PTAR1: variants seen among roughly 807,000 people sequenced by gnomAD.
PTAR1 encodes protein prenyltransferase alpha subunit repeat-containing protein 1.
Under a neutral mutation model 45.5 loss-of-function variants are expected in PTAR1, and 17 were observed. The observed-to-expected ratio is 0.37, with a 90% CI of 0.26 to 0.56. The LOEUF is 0.56. PTAR1 is among the 20% of genes least tolerant of loss of function. The pLI is 0.77. For missense variants in PTAR1, 391 were observed against 476.3 expected (o/e 0.82, Z 1.67); for synonymous variants, 169 against 171.3 (o/e 0.99, Z 0.11).
In PTAR1 at chr9:69,718,114, T is replaced by A. The variant is rs1019933112; in HGVS notation, c.*228A>T. The A allele has an allele frequency of 2.4e-6, 1 of 419,310 alleles. No individual in the cohort carries two copies. Among genetic ancestry groups the A allele is most frequent in the African/African-American group, 2.0e-5 (1 of 50,132 alleles). 26.0% of individuals were successfully genotyped at this position (419,310 alleles called of 1,614,324 possible). A position where few individuals can be genotyped will look rare whatever the true frequency, so the allele number is the denominator to read the frequency against. ...AAGGGTGAGAAGTTAAACAGAAAAT[T>A]TAAGACTCGCTGTTCAGCAGGAAGG... On this transcript the variant is annotated 3_prime_UTR_variant, in exon 8 of 8. Coordinates refer to ENST00000340434, the MANE Select transcript of PTAR1 (RefSeq NM_001099666.2).
At chr9:69,746,582 CCA>C (rs1399778193) in intron 2 of PTAR1, among the ~76,000 whole-genome samples, 1 of 152,154 alleles carries the variant, frequency 6.6e-6, no homozygotes, top group Non-Finnish European at 1.5e-5. Flanking sequence ...ACTGAAATCT[CCA>C]CAGTCTCTTG....
chr9:69,717,191 C>T lies in PTAR1; in HGVS notation c.*1151G>A, dbSNP rs1824761502. 6.6e-6 allele frequency: 1 copy of T among 152,136 alleles called. No individual in the cohort carries two copies. Among genetic ancestry groups the T allele is most frequent in the Non-Finnish European group, 1.5e-5 (1 of 68,024 alleles). 9.4% of individuals were successfully genotyped at this position (152,136 alleles called of 1,614,324 possible). A position where few individuals can be genotyped will look rare whatever the true frequency, so the allele number is the denominator to read the frequency against. On this transcript the variant is annotated 3_prime_UTR_variant, in exon 8 of 8. Coordinates refer to ENST00000340434, the MANE Select transcript of PTAR1 (RefSeq NM_001099666.2). ...GCATTTGCCAGTAAACTTTAACAGTCACTTCATGATAATTTTATAGTTTCC... is the reference window on the plus strand; with the variant it reads ...GCATTTGCCAGTAAACTTTAACAGTTACTTCATGATAATTTTATAGTTTCC...
chr9:69,725,676 T>C (rs1825244214), intron 5 of PTAR1, among the ~76,000 whole-genome samples: 1 of 151,986 alleles, frequency 6.6e-6, no homozygotes, highest in Admixed American at 6.6e-5. Flanking sequence ...AAATCCACTA[T>C]ATTCTTTTCC....
At chr9:69,730,892 A>G (rs1403946709) in intron 5 of PTAR1, among the ~76,000 whole-genome samples, 5 of 152,146 alleles carry the variant, frequency 3.3e-5, no homozygotes, top group Admixed American at 1.3e-4. Context: ...TCTCTATTAG[A>G]TGCCCAGTAA....
chr9:69,739,245 A>T (rs1455368902), intron 3 of PTAR1, among the ~76,000 whole-genome samples: 1 of 152,218 alleles, frequency 6.6e-6, no homozygotes, highest in Non-Finnish European at 1.5e-5. Context: ...ATAGGCTATG[A>T]GTTCAGAACA....
intron 6 of PTAR1, among the ~76,000 whole-genome samples, chr9:69,721,063 A>G (rs1272110727): frequency 6.6e-6 from 1 of 152,228 alleles, no homozygotes; most frequent in Admixed American, 6.5e-5. Flanking sequence ...TCATAAGGTT[A>G]TAGCTGCCAC....
intron 3 of PTAR1, among the ~76,000 whole-genome samples, chr9:69,741,271 C>T (rs1826032289): frequency 6.6e-6 from 1 of 152,140 alleles, no homozygotes; most frequent in Non-Finnish European, 1.5e-5. Flanking sequence ...TCTAACATGT[C>T]CCAATCTGAA....
At chr9:69,739,005 A>G (rs1159161535) in intron 3 of PTAR1, among the ~76,000 whole-genome samples, 3 of 152,040 alleles carry the variant, frequency 2.0e-5, no homozygotes, top group Non-Finnish European at 2.9e-5. Flanking sequence ...ATGGGGTTTC[A>G]CCATATTGGC....
intron 4 of PTAR1, 105 bp downstream of exon 4, chr9:69,734,045 T>A: frequency 1.5e-6 from 1 of 688,742 alleles, no homozygotes; most frequent in Non-Finnish European, 2.5e-6. Flanking sequence ...ACTTCAGAAT[T>A]CATGCTCTGG....
At chr9:69,741,728 T>C (rs1826050935) in intron 3 of PTAR1, 64 bp downstream of exon 3, 1 of 1,050,776 alleles carries the variant, frequency 9.5e-7, no homozygotes, top group East Asian at 2.5e-5. Context: ...TAACAACTTA[T>C]GGGGCTTACA....
chr9:69,722,955 A>AG, intron 6 of PTAR1, among the ~76,000 whole-genome samples: 1 of 151,730 alleles, frequency 6.6e-6, no homozygotes, highest in African/African-American at 2.4e-5. Flanking sequence ...AAAAAAAAAA[A>AG]AAAGAGAGAT....
rs536745165 is a variant in PTAR1 at position 69,736,434 on chromosome 9, G to A, written c.324-2180C>T. On this transcript the variant is annotated intron_variant, in intron 3 of 7. Coordinates refer to ENST00000340434, the MANE Select transcript of PTAR1 (RefSeq NM_001099666.2). Reference sequence around the variant, plus strand: ...TAGCTGGGCATGGTGGCACGCACCTGTAGTCCCAGCTACTTGGGAGGCTGA... The same window carrying A: ...TAGCTGGGCATGGTGGCACGCACCTATAGTCCCAGCTACTTGGGAGGCTGA... Among the ~76,000 whole-genome samples the A allele has an allele frequency of 2.8e-3, 431 of 152,276 alleles. 3 individuals carry two copies. The highest frequency in any genetic ancestry group is 3.2e-3 in the Admixed American group (49 of 15,294).
rs1177722096 is a variant in PTAR1, at chr9:69,709,593, C to G, written c.*8749G>C. Reference sequence around the variant, plus strand: ...CAAAGGTAAGACAAATACTATTTTCCATATTCTACAGAAATACAATACTTT... The same window carrying G: ...CAAAGGTAAGACAAATACTATTTTCGATATTCTACAGAAATACAATACTTT... On this transcript the variant is annotated 3_prime_UTR_variant, in exon 8 of 8. Coordinates refer to ENST00000340434, the MANE Select transcript of PTAR1 (RefSeq NM_001099666.2). 3.3e-5 allele frequency: 5 copies of G among 152,082 alleles called. No homozygotes were observed. Among genetic ancestry groups the G allele is most frequent in the Non-Finnish European group, 1.5e-5 (1 of 67,990 alleles). The allele number at this position is 152,082 out of a possible 1,614,324, so 9.4% of individuals were successfully genotyped here.
intron 2 of PTAR1, among the ~76,000 whole-genome samples, chr9:69,744,353 C>G (rs1826175088): frequency 6.6e-6 from 1 of 151,542 alleles, no homozygotes. Flanking sequence ...CTTTCCTAAC[C>G]TACCTAGTTG....
intron 5 of PTAR1, chr9:69,731,933 T>G: frequency 1.7e-6 from 1 of 582,908 alleles, no homozygotes; most frequent in Non-Finnish European, 3.1e-6. Flanking sequence ...GCACTAGCCT[T>G]AAGACTGCCA....
intron 1 of PTAR1, chr9:69,758,327 T>G (rs1183859754): frequency 6.6e-6 from 1 of 152,338 alleles, no homozygotes; most frequent in Non-Finnish European, 1.5e-5. Context: ...CTGTAATTTC[T>G]TCTAGAAAAA....
chr9:69,732,502 G>C, intron 4 of PTAR1, 150 bp from the exon 5 acceptor site: 1 of 629,444 alleles, frequency 1.6e-6, no homozygotes, highest in South Asian at 2.0e-5. Flanking sequence ...GAGATGGGGA[G>C]GGGTTGTTTT....
chr9:69,740,093 A>C (rs1179391054), intron 3 of PTAR1, among the ~76,000 whole-genome samples: 4 of 152,226 alleles, frequency 2.6e-5, no homozygotes, highest in Non-Finnish European at 5.9e-5. Flanking sequence ...TAACTTATGA[A>C]ACAGGACTAA....
At chr9:69,759,207 C>T (rs1405856373) in intron 1 of PTAR1, among the ~76,000 whole-genome samples, 1 of 152,218 alleles carries the variant, frequency 6.6e-6, no homozygotes, top group East Asian at 1.9e-4. Context: ...AACTATGAAT[C>T]CGCTTATGCT....
Sources: allele counts gnomAD v4.1 joint callset (sites outside exome capture counted in the v4.1 genomes callset), GRCh38; gene constraint gnomAD v4.1.1; transcripts MANE v1.5; gene names NCBI Gene and HGNC (gene_info 2026-07-23, HGNC 2026-07-21).